Variants in TENM4 observed in about 807,000 individuals in gnomAD.
TENM4 encodes the protein teneurin-4.
Under a neutral mutation model 243.3 loss-of-function variants are expected in TENM4, and 82 were observed. That is an observed-to-expected ratio of 0.34 (90% CI 0.28 to 0.40). TENM4 has a LOEUF of 0.40. TENM4 is among the 10% of genes least tolerant of loss of function. The pLI, the probability that TENM4 is intolerant of heterozygous loss-of-function variation, is 1.00. For missense variants in TENM4, 3,138 were observed against 3,673.3 expected (o/e 0.85, Z 3.77); for synonymous variants, 1,412 against 1,456.3 (o/e 0.97, Z 0.69).
intron 15 of TENM4, among the ~76,000 whole-genome samples, chr11:78,787,944 T>C (rs1325015880): frequency 6.6e-6 from 1 of 152,200 alleles, no homozygotes; most frequent in East Asian, 1.9e-4. Context: ...TCTTCCAAAA[T>C]ACAACTGCTC....
At chr11:79,046,002 C>T (rs1277698688) in intron 6 of TENM4, among the ~76,000 whole-genome samples, 5 of 152,206 alleles carry the variant, frequency 3.3e-5, no homozygotes, top group Non-Finnish European at 5.9e-5. Context: ...CATATGGTGT[C>T]GAGAGCATCT....
chr11:78,766,475 G>T (rs920654927), intron 18 of TENM4, among the ~76,000 whole-genome samples: 1 of 152,060 alleles, frequency 6.6e-6, no homozygotes, highest in African/African-American at 2.4e-5. Flanking sequence ...TGTCAAGTGG[G>T]GCACATAGAG....
chr11:78,822,539 C>T (rs754928404), intron 12 of TENM4, among the ~76,000 whole-genome samples: 9 of 152,050 alleles, frequency 5.9e-5, no homozygotes, highest in Admixed American at 2.0e-4. Context: ...CACATGGATA[C>T]AGGAACGTGA....
chr11:79,227,467 G>T (rs142542746), intron 2 of TENM4, among the ~76,000 whole-genome samples: 1 of 152,274 alleles, frequency 6.6e-6, no homozygotes, highest in Non-Finnish European at 1.5e-5. Context: ...AGGCAGGAGC[G>T]TCACTCTGTA....
At chr11:79,109,106 T>C (rs1323543462) in intron 4 of TENM4, among the ~76,000 whole-genome samples, 1 of 152,196 alleles carries the variant, frequency 6.6e-6, no homozygotes, top group Non-Finnish European at 1.5e-5. Context: ...TACAGAGGGA[T>C]GTTAACATTT....
chr11:79,105,766 A>G (rs1861349941), intron 4 of TENM4, among the ~76,000 whole-genome samples: 1 of 152,194 alleles, frequency 6.6e-6, no homozygotes, highest in Non-Finnish European at 1.5e-5. Flanking sequence ...CCAGATGACT[A>G]AAGGGCTGAC....
At chr11:79,221,459 GA>G (rs896943668) in intron 2 of TENM4, among the ~76,000 whole-genome samples, 24 of 149,188 alleles carry the variant, frequency 1.6e-4, no homozygotes, top group African/African-American at 4.2e-4. Flanking sequence ...TAAAAAGGGG[GA>G]AAAAAAAACA....
At chr11:78,821,309 A>C (rs1405195883) in intron 12 of TENM4, among the ~76,000 whole-genome samples, 1 of 152,248 alleles carries the variant, frequency 6.6e-6, no homozygotes, top group Non-Finnish European at 1.5e-5. Flanking sequence ...GGTTCTCCAA[A>C]GAGTCTTGTG....
Position 78,903,417 on chromosome 11 carries a change from C to A in TENM4, c.600G>T (p.Leu200=). ...TCCTCGGCGTGAAGTTGCCCCGGTT[C>A]AGGGAGTTAATGGAGGCCGCGTGGT... The part of the protein sequence containing the change: ...NQHHAASINS[L]NRGNFTPRSN... The change falls in exon 7 of 34, where the codon CTG becomes CTT. Residue 200 remains leucine, a synonymous_variant. Transcript: ENST00000278550. 3.9e-6 allele frequency: 6 copies of A among 1,544,438 alleles called. No homozygotes were observed. Among genetic ancestry groups the A allele is most frequent in the African/African-American group, 1.4e-5 (1 of 72,596 alleles).
intron 4 of TENM4, among the ~76,000 whole-genome samples, chr11:79,139,645 A>ATTTATATAAGTATATAAAATATATATAT (rs1415984869): frequency 9.7e-5 from 9 of 93,222 alleles, no homozygotes; most frequent in South Asian, 6.7e-4. Context: ...TATATATTAT[A>ATTTATATAAGTATATAAAATATATATAT]TTTATATAAG....
chr11:79,385,987 C>G (rs1194112833), intron 1 of TENM4, among the ~76,000 whole-genome samples: 1 of 152,248 alleles, frequency 6.6e-6, no homozygotes, highest in African/African-American at 2.4e-5. Context: ...TTCTTTCATC[C>G]TTAGATTGTT....
At chr11:79,108,341 A>G (rs1376551103) in intron 4 of TENM4, among the ~76,000 whole-genome samples, 1 of 152,196 alleles carries the variant, frequency 6.6e-6, no homozygotes, top group Non-Finnish European at 1.5e-5. Context: ...AGAAAGAAAG[A>G]TGTTCTACTT....
intron 6 of TENM4, among the ~76,000 whole-genome samples, chr11:78,906,585 A>G (rs767856498): frequency 1.3e-5 from 2 of 152,202 alleles, no homozygotes; most frequent in African/African-American, 2.4e-5. Context: ...AAATTCTCCT[A>G]TGGGGACAAG....
intron 6 of TENM4, among the ~76,000 whole-genome samples, chr11:79,027,772 C>G (rs965176069): frequency 2.0e-5 from 3 of 152,130 alleles, no homozygotes; most frequent in African/African-American, 7.2e-5. Context: ...AAGTGTTCAC[C>G]AGAGACCTGT....
At chr11:79,410,971 A>G (rs1858687850) in intron 1 of TENM4, among the ~76,000 whole-genome samples, 2 of 152,110 alleles carry the variant, frequency 1.3e-5, no homozygotes, top group African/African-American at 2.4e-5. Flanking sequence ...ACACACACAC[A>G]TACAAACACA....
chr11:79,046,169 C>T (rs1859651536), intron 6 of TENM4, among the ~76,000 whole-genome samples: 1 of 152,212 alleles, frequency 6.6e-6, no homozygotes, highest in African/African-American at 2.4e-5. Flanking sequence ...TTAGAAGGGG[C>T]TTAAGATTGT....
At chr11:78,834,022 T>C (rs1266943493) in intron 12 of TENM4, among the ~76,000 whole-genome samples, 1 of 152,204 alleles carries the variant, frequency 6.6e-6, no homozygotes, top group African/African-American at 2.4e-5. Flanking sequence ...TCAGCCCATG[T>C]CCCTCAGCTA....
chr11:78,946,054 T>A (rs1186545942), intron 6 of TENM4, among the ~76,000 whole-genome samples: 1 of 152,206 alleles, frequency 6.6e-6, no homozygotes. Flanking sequence ...AGATTGTTGA[T>A]GAAGGTGGCT....
At chr11:78,910,185 A>T (rs1267950196) in intron 6 of TENM4, among the ~76,000 whole-genome samples, 1 of 152,246 alleles carries the variant, frequency 6.6e-6, no homozygotes, top group Non-Finnish European at 1.5e-5. Flanking sequence ...GAGTGCCCAC[A>T]TCCAGCCCTG....
Sources: gnomAD v4.1 joint callset for allele counts (sites outside exome capture counted in the v4.1 genomes callset) on GRCh38, gnomAD v4.1.1 for gene constraint, MANE v1.5 for transcripts, NCBI Gene and HGNC (gene_info 2026-07-23, HGNC 2026-07-21) for gene names.